B3GALNT2: variants seen among roughly 807,000 people sequenced by gnomAD.
B3GALNT2 encodes the protein beta-1,3-N-acetylgalactosaminyltransferase 2, also known as UDP-GalNAc:beta-1,3-N-acetylgalactosaminyltransferase 2.
A neutral mutation model predicts 61.1 loss-of-function variants in B3GALNT2; 53 were observed. That is an observed-to-expected ratio of 0.87 (90% confidence interval 0.70 to 1.09). The LOEUF (loss-of-function observed/expected upper bound fraction) is 1.09, where lower values mean the gene tolerates loss of function less well. B3GALNT2 is among the 50% of genes least tolerant of loss of function. The pLI is 0.00. For missense variants in B3GALNT2, 544 were observed against 623.0 expected (o/e 0.87, Z 1.35); for synonymous variants, 223 against 237.4 (o/e 0.94, Z 0.56).
chr1:235,451,222 C>T (rs1199689345), intron 11 of B3GALNT2: 4 of 152,216 alleles, frequency 2.6e-5, no homozygotes, highest in African/African-American at 7.2e-5. Context: ...TTGTCTGTCT[C>T]AGTCTTGCCC....
At chr1:235,442,183 T>A in the B3GALNT2 span, among the ~76,000 whole-genome samples, 4 of 152,042 alleles carry the variant, frequency 2.6e-5, no homozygotes, top group African/African-American at 7.2e-5. Flanking sequence ...TAATTTTTTT[T>A]AATCGAGACG....
chr1:235,500,652 A>G (rs1572568317), intron 1 of B3GALNT2, among the ~76,000 whole-genome samples: 1 of 152,234 alleles, frequency 6.6e-6, no homozygotes, highest in Admixed American at 6.5e-5. Context: ...CCTGTCACAG[A>G]TCTAATGATA....
In B3GALNT2 at chr1:235,504,367, C is replaced by A; in HGVS notation, c.-115G>T. ...CGAGCGACCACTCCGAGCACGCCCG[C>A]CCTCGCGCTCGGCGACGTCTGGGGG... On this transcript the variant is annotated 5_prime_UTR_variant, in exon 1 of 12. Transcript: ENST00000366600. 1 of 1,229,322 alleles carries A rather than the reference C, an allele frequency of 8.1e-7. No individual in the cohort carries two copies. The highest frequency in any genetic ancestry group is 1.1e-6 in the Non-Finnish European group (1 of 932,760). 76.2% of individuals were successfully genotyped at this position (1,229,322 alleles called of 1,614,324 possible). A position where few individuals can be genotyped will look rare whatever the true frequency, so the allele number is the denominator to read the frequency against.
At chr1:235,445,275 T>C (rs936950838), downstream of B3GALNT2, among the ~76,000 whole-genome samples, 2 of 152,200 alleles carry the variant, frequency 1.3e-5, no homozygotes, top group Non-Finnish European at 2.9e-5. Flanking sequence ...TTCTTAATAC[T>C]AATTCTTATG....
intron 4 of B3GALNT2, among the ~76,000 whole-genome samples, chr1:235,482,630 G>A (rs1684612321): frequency 6.6e-6 from 1 of 151,978 alleles, no homozygotes; most frequent in African/African-American, 2.4e-5. Context: ...TCAATACTCT[G>A]AGGAATATAA....
chr1:235,474,950 C>CATATATATATATATAT (rs1159752267), intron 5 of B3GALNT2, among the ~76,000 whole-genome samples: 16 of 39,348 alleles, frequency 4.1e-4, no homozygotes, highest in Admixed American at 1.4e-3. Flanking sequence ...AAATTAGAGA[C>CATATATATATATATAT]ATATATATAT....
the B3GALNT2 span, among the ~76,000 whole-genome samples, chr1:235,442,039 C>T: frequency 6.6e-6 from 1 of 150,722 alleles, no homozygotes; most frequent in Non-Finnish European, 1.5e-5. Flanking sequence ...ACAGAGTCTC[C>T]CTCTGTCTCC....
intron 2 of B3GALNT2, among the ~76,000 whole-genome samples, chr1:235,489,589 A>G (rs970545122): frequency 2.0e-5 from 3 of 152,210 alleles, no homozygotes. Flanking sequence ...ACCTAAAAAC[A>G]TATCTATATC....
rs1232066730 is a variant in B3GALNT2, at chr1:235,458,701, T to C, written c.927A>G (p.Leu309=). 2.5e-6 allele frequency: 4 copies of C among 1,613,770 alleles called. No homozygotes were observed. Among genetic ancestry groups the C allele is most frequent in the Non-Finnish European group, 2.5e-6 (3 of 1,179,860 alleles). The change falls in exon 8 of 12, where the codon TTA becomes TTG. Residue 309 remains leucine (L), a synonymous_variant. Transcript: ENST00000366600. ...CATAGATGCTGCTTTCCTCCTTCAG[T>C]AAGGCATCTTCCTCATGGAGATTCC... ...HIRNLHEEDA[L]LKEESSIYDD...
chr1:235,458,818 A>G (rs1336866904), intron 7 of B3GALNT2, 32 bp from the exon 8 acceptor site: 1 of 1,535,544 alleles, frequency 6.5e-7, no homozygotes, highest in African/African-American at 1.4e-5. Context: ...TTGGAGAAAA[A>G]TGCTGTTGTA....
At chr1:235,494,410 C>T (rs1413827073) in intron 2 of B3GALNT2, among the ~76,000 whole-genome samples, 1 of 151,952 alleles carries the variant, frequency 6.6e-6, no homozygotes, top group Non-Finnish European at 1.5e-5. Flanking sequence ...AGGAAGAGCC[C>T]ACATATCTGA....
chr1:235,500,594 AAG>A (rs1197913093), intron 1 of B3GALNT2, among the ~76,000 whole-genome samples: 3 of 152,236 alleles, frequency 2.0e-5, no homozygotes, highest in Non-Finnish European at 2.9e-5. Flanking sequence ...ATGCTCTTGG[AAG>A]AGTCACAAAT....
intron 6 of B3GALNT2, among the ~76,000 whole-genome samples, chr1:235,467,557 T>C (rs887572515): frequency 6.6e-6 from 1 of 150,644 alleles, no homozygotes; most frequent in Admixed American, 6.7e-5. Flanking sequence ...TGATTTCGGC[T>C]CACTGCAACA....
intron 2 of B3GALNT2, among the ~76,000 whole-genome samples, chr1:235,494,437 A>C (rs1436308767): frequency 6.6e-6 from 1 of 150,514 alleles, no homozygotes; most frequent in African/African-American, 2.5e-5. Context: ...ATTTCTATTC[A>C]AAGTAAGGTT....
chr1:235,445,480 A>G (rs571745750), downstream of B3GALNT2, among the ~76,000 whole-genome samples: 78 of 152,186 alleles, frequency 5.1e-4, no homozygotes, highest in South Asian at 3.1e-3. Context: ...ATAAATAAAT[A>G]CAAAAATTAG....
chr1:235,491,488 A>C (rs1685064539), intron 2 of B3GALNT2, among the ~76,000 whole-genome samples: 1 of 152,242 alleles, frequency 6.6e-6, no homozygotes, highest in Non-Finnish European at 1.5e-5. Context: ...AACCTTTATC[A>C]GTACACTACT....
Position 235,448,253 on chromosome 1 carries a change from T to A in B3GALNT2, c.*1953A>T. 1.9e-5 allele frequency: 15 copies of A among 798,650 alleles called. No individual in the cohort carries two copies. Among genetic ancestry groups the A allele is most frequent in the Non-Finnish European group, 2.9e-5 (13 of 455,772 alleles). The allele number at this position is 798,650 out of a possible 1,614,324, so 49.5% of individuals were successfully genotyped here. A position where few individuals can be genotyped will look rare whatever the true frequency, so the allele number is the denominator to read the frequency against. ...AAAAAAAAAAAAAGACAGATACAGC[T>A]ATCATTGCAATGATACTGTGGTCTC... On this transcript the variant is annotated 3_prime_UTR_variant, in exon 12 of 12. Transcript: ENST00000366600.
At chr1:235,452,887 G>A (rs1682993208) in intron 11 of B3GALNT2, among the ~76,000 whole-genome samples, 1 of 152,168 alleles carries the variant, frequency 6.6e-6, no homozygotes, top group Non-Finnish European at 1.5e-5. Context: ...GACACTCAAA[G>A]GAAATGCTCA....
intron 2 of B3GALNT2, among the ~76,000 whole-genome samples, chr1:235,493,402 T>C (rs896948989): frequency 1.3e-5 from 2 of 152,188 alleles, no homozygotes; most frequent in Non-Finnish European, 2.9e-5. Context: ...TAGGCTCTAT[T>C]ATCATTGCAA....
Sources: allele counts gnomAD v4.1 joint callset (sites outside exome capture counted in the v4.1 genomes callset), GRCh38; gene constraint gnomAD v4.1.1; transcripts MANE v1.5; gene names NCBI Gene and HGNC (gene_info 2026-07-23, HGNC 2026-07-21).